The following WWOX variants were observed in gnomAD, a reference collection of about 807,000 sequenced individuals.
The protein encoded by WWOX is WW domain-containing oxidoreductase.
A neutral mutation model predicts 46.2 loss-of-function variants in WWOX; 69 were observed. That is an observed-to-expected ratio of 1.49 (90% CI 1.23 to 1.82). WWOX has a LOEUF of 1.82. WWOX is among the 40% of genes most tolerant of loss of function. The pLI, the probability that WWOX is intolerant of heterozygous loss-of-function variation, is 0.00. For synonymous variants in WWOX, 359 were observed against 202.6 expected, an observed-to-expected ratio of 1.77 and a Z score of -6.56; for missense variants, 919 against 542.6, an observed-to-expected ratio of 1.69 and a Z score of -6.89.
intron 8 of WWOX, among the ~76,000 whole-genome samples, chr16:78,649,171 G>A (rs1287811488): frequency 6.6e-6 from 1 of 152,018 alleles, no homozygotes; most frequent in African/African-American, 2.4e-5. Flanking sequence ...TTTTAGTAGA[G>A]ACGGGATTTC....
chr16:78,569,768 C>A (rs2044666855), intron 8 of WWOX, among the ~76,000 whole-genome samples: 1 of 152,194 alleles, frequency 6.6e-6, no homozygotes, highest in South Asian at 2.1e-4. Flanking sequence ...TTATCTTGAA[C>A]CTTTTATCCT....
rs2045590132 is a variant in WWOX at position 78,600,269 on chromosome 16, ACACAGCCAAACCATATCACAGGGT to A, written c.1056+167521_1056+167544del. On this transcript the variant is annotated intron_variant, in intron 8 of 8. Transcript: ENST00000566780. The stretch of plus-strand genomic sequence containing the variant: ...AGTTCAAGATGAGATTTGGATAGGG[ACACAGCCAAACCATATCACAGGGT>A]CACCTGTAGGTTACCGTAAATAAGA... 5.9e-5 allele frequency among the ~76,000 whole-genome samples: 9 copies of A among 152,118 alleles called. No individual in the cohort carries two copies. The South Asian group carries it at 1.9e-3, about 32-fold the overall frequency.
intron 8 of WWOX, among the ~76,000 whole-genome samples, chr16:78,735,426 C>CACACACACACACA (rs57609552): frequency 6.7e-6 from 1 of 150,190 alleles, no homozygotes; most frequent in African/African-American, 2.5e-5. Context: ...CACACACACA[C>CACACACACACACA]TAATATGGTT....
chr16:78,813,374 T>C (rs1305964621), intron 8 of WWOX, among the ~76,000 whole-genome samples: 1 of 152,162 alleles, frequency 6.6e-6, no homozygotes, highest in African/African-American at 2.4e-5. Flanking sequence ...TTGATACCTT[T>C]CAAGTGCTAG....
chr16:79,064,056 T>G (rs1346375976), intron 8 of WWOX, among the ~76,000 whole-genome samples: 1 of 152,200 alleles, frequency 6.6e-6, no homozygotes, highest in African/African-American at 2.4e-5. Context: ...GTGCACAATT[T>G]TCTAGTTCTC....
intron 8 of WWOX, among the ~76,000 whole-genome samples, chr16:78,577,468 A>G (rs1226746202): frequency 6.6e-6 from 1 of 152,124 alleles, no homozygotes; most frequent in Non-Finnish European, 1.5e-5. Context: ...CTTTCATGCA[A>G]CCTTGAATTC....
At chr16:79,040,744 A>G (rs916167267) in intron 8 of WWOX, among the ~76,000 whole-genome samples, 2 of 152,004 alleles carry the variant, frequency 1.3e-5, no homozygotes, top group African/African-American at 4.8e-5. Flanking sequence ...ATCCCCCTAG[A>G]CTTGTCAGCC....
chr16:78,575,050 T>A (rs2667518), intron 8 of WWOX, among the ~76,000 whole-genome samples: 336 of 12,222 alleles, frequency 0.027, 2 homozygotes, highest in Non-Finnish European at 0.042. Context: ...TATATATATA[T>A]ATATATATAT....
chr16:78,949,860 C>A (rs2046023427), intron 8 of WWOX, among the ~76,000 whole-genome samples: 1 of 152,194 alleles, frequency 6.6e-6, no homozygotes. Context: ...ATCTTTGTAA[C>A]TTTTTATGGC....
chr16:78,369,768 C>G (rs191276754), intron 5 of WWOX, among the ~76,000 whole-genome samples: 2 of 151,912 alleles, frequency 1.3e-5, no homozygotes, highest in Admixed American at 1.3e-4. Flanking sequence ...CTTGTGGATA[C>G]AGTTGTGTAT....
intron 5 of WWOX, among the ~76,000 whole-genome samples, chr16:78,339,256 T>G (rs1278629120): frequency 8.4e-6 from 1 of 118,792 alleles, no homozygotes; most frequent in East Asian, 1.9e-4. Flanking sequence ...CCTTATTTTT[T>G]CCCTGGAGTT....
intron 8 of WWOX, among the ~76,000 whole-genome samples, chr16:78,933,804 C>T (rs1436068407): frequency 6.6e-6 from 1 of 152,102 alleles, no homozygotes; most frequent in African/African-American, 2.4e-5. Flanking sequence ...CAATTACCTC[C>T]CACCAGCTTC....
At chr16:79,090,280 C>CGTGTGTGTGTGTGTGT (rs61538157) in intron 8 of WWOX, among the ~76,000 whole-genome samples, 1 of 138,282 alleles carries the variant, frequency 7.2e-6, no homozygotes, top group Non-Finnish European at 1.6e-5. Flanking sequence ...CTACTGTGTG[C>CGTGTGTGTGTGTGTGT]GTGTGTGTGT....
intron 8 of WWOX, among the ~76,000 whole-genome samples, chr16:78,849,115 C>G (rs1237135481): frequency 1.3e-5 from 2 of 152,142 alleles, no homozygotes; most frequent in Admixed American, 6.5e-5. Flanking sequence ...GGAGGACAGT[C>G]TATACAGTAA....
Position 78,617,879 on chromosome 16 carries a change from T to C in WWOX, c.1056+185127T>C, listed in dbSNP as rs144762647. On this transcript the variant is annotated intron_variant, in intron 8 of 8. Coordinates refer to ENST00000566780, the MANE Select transcript of WWOX (RefSeq NM_016373.4). ...TGACATTTCTGTCAAAATATGAATCTATCTTTGCCTAGCATCTTTTCATGT... is the reference window on the plus strand; with the variant it reads ...TGACATTTCTGTCAAAATATGAATCCATCTTTGCCTAGCATCTTTTCATGT... 3.7e-3 allele frequency among the ~76,000 whole-genome samples: 568 copies of C among 152,358 alleles called. 12 individuals carry two copies. The East Asian group carries it at 0.039, about 10-fold the overall frequency.
intron 5 of WWOX, among the ~76,000 whole-genome samples, chr16:78,381,907 C>T (rs2081964562): frequency 1.3e-5 from 2 of 152,000 alleles, no homozygotes; most frequent in East Asian, 3.9e-4. Context: ...GTTCTGTTGC[C>T]CAGGCTGGAG....
intron 8 of WWOX, among the ~76,000 whole-genome samples, chr16:78,568,008 C>T (rs986658449): frequency 1.3e-5 from 2 of 152,170 alleles, no homozygotes; most frequent in Non-Finnish European, 2.9e-5. Context: ...CCTCTGTTCA[C>T]TACTCCGCGA....
intron 8 of WWOX, among the ~76,000 whole-genome samples, chr16:78,861,492 C>T (rs2043884610): frequency 6.6e-6 from 1 of 152,204 alleles, no homozygotes; most frequent in Non-Finnish European, 1.5e-5. Flanking sequence ...TCTCCACCCA[C>T]TTCCCCCATG....
chr16:79,094,487 G>A (rs910736081), intron 8 of WWOX, among the ~76,000 whole-genome samples: 1 of 152,006 alleles, frequency 6.6e-6, no homozygotes, highest in Non-Finnish European at 1.5e-5. Context: ...CCTGACCTCA[G>A]GCAGTCTGCC....
Sources: allele counts gnomAD v4.1 joint callset (sites outside exome capture counted in the v4.1 genomes callset), GRCh38; gene constraint gnomAD v4.1.1; transcripts MANE v1.5; gene names NCBI Gene and HGNC (gene_info 2026-07-23, HGNC 2026-07-21).